The following AK9 variants were observed in gnomAD, a reference collection of about 807,000 sequenced individuals.
AK9 encodes the protein adenylate kinase 9, also known as adenylate kinase domain containing 1.
In AK9, 191 loss-of-function variants were observed where a neutral mutation model predicts 239.6. The observed-to-expected ratio is 0.80, with a 90% CI of 0.71 to 0.90. The LOEUF is 0.90. Ranked by LOEUF, AK9 falls within the 40% of genes least tolerant of loss-of-function variation. AK9 has a pLI of 0.00. For missense variants in AK9, 1,995 were observed against 2,214.7 expected (o/e 0.90, Z 1.99); for synonymous variants, 689 against 721.0 (o/e 0.96, Z 0.71).
At chr6:109,678,767 C>T (rs1447589716) in intron 1 of AK9, among the ~76,000 whole-genome samples, 1 of 152,084 alleles carries the variant, frequency 6.6e-6, no homozygotes, top group African/African-American at 2.4e-5. Flanking sequence ...CAGCTCATCT[C>T]ACTGGGACTG....
At position 109,644,494 on chromosome 6, in the gene AK9, G is replaced by T. The variant is rs758084910; in HGVS notation, c.834+120C>A. ...AAAATTTTAAGTGTTAAGACAGATT[G>T]TTCAAAGATAAATGGTGTTCAAATA... On this transcript the variant is annotated intron_variant, in intron 9 of 40. Coordinates refer to ENST00000424296, the MANE Select transcript of AK9 (RefSeq NM_001145128.3). 3.1e-5 allele frequency: 26 copies of T among 831,174 alleles called. No individual in the cohort carries two copies. The South Asian group carries it at 4.9e-4, about 16-fold the overall frequency. The allele number at this position is 831,174 out of a possible 1,614,324, so 51.5% of individuals were successfully genotyped here.
Position 109,612,029 on chromosome 6 carries a change from T to G in AK9, c.1674A>C (p.Val558=), listed in dbSNP as rs1339513314. The G allele has an allele frequency of 6.5e-7, 1 of 1,531,490 alleles. No individual in the cohort carries two copies. Among genetic ancestry groups the G allele is most frequent in the Non-Finnish European group, 8.8e-7 (1 of 1,136,126 alleles). The allele number at this position is 1,531,490 out of a possible 1,614,324, so 94.9% of individuals were successfully genotyped here. ...KRHSQDASQD[V]KLYSDTAPTE... is the part of the protein sequence containing the mutation. The stretch of plus-strand genomic sequence containing the variant: ...ATTTACCTGTATCTGAATACAACTT[T>G]ACATCTTGACTAGCATCTTGAGAAT... The change falls in exon 16 of 41, where the codon GTA becomes GTC. Residue 558 remains valine, a synonymous_variant. Coordinates refer to ENST00000424296, the MANE Select transcript of AK9 (RefSeq NM_001145128.3).
At chr6:109,549,866 G>A (rs1380139253) in intron 25 of AK9, 14 of 358,206 alleles carry the variant, frequency 3.9e-5, no homozygotes, top group South Asian at 7.1e-5. Context: ...GGGTTTCACC[G>A]TGTCAGCCAG....
chr6:109,656,860 C>T lies in AK9; in HGVS notation c.655G>A (p.Val219Met), dbSNP rs1225925259. Residue 219 changes from valine to methionine, a missense_variant, in exon 8 of 41, where the codon GTG (valine) becomes ATG (methionine). By Grantham distance (21) the Val-to-Met change is conservative (BLOSUM62 1). Transcript: ENST00000424296. ...ACTAGATGATGAAGAATTTCAGCCA[C>T]CATCTGCATTTCGGCAATAAATGCC... The part of the protein sequence containing the change: ...EEAFIAEMQM[V>M]AEILHHLVQR... 7.4e-6 allele frequency: 12 copies of T among 1,612,742 alleles called. No homozygotes were observed. The highest frequency in any genetic ancestry group is 9.3e-6 in the Non-Finnish European group (11 of 1,179,266).
chr6:109,494,206 G>A, intron 39 of AK9, 111 bp from the exon 40 acceptor site: 2 of 665,438 alleles, frequency 3.0e-6, no homozygotes, highest in South Asian at 2.1e-5. Context: ...TAGCCCCCTG[G>A]AGTGGGGATG....
At chr6:109,598,317 T>TG (rs1450334224) in intron 17 of AK9, among the ~76,000 whole-genome samples, 17 of 150,430 alleles carry the variant, frequency 1.1e-4, no homozygotes, top group Admixed American at 2.0e-4. Flanking sequence ...AGTGAGAACA[T>TG]GCGGTGTTTG....
intron 17 of AK9, among the ~76,000 whole-genome samples, chr6:109,603,763 C>T (rs748856328): frequency 3.9e-5 from 6 of 152,190 alleles, no homozygotes; most frequent in Non-Finnish European, 5.9e-5. Flanking sequence ...ACTCAAGCCT[C>T]AGCGATGGCA....
intron 29 of AK9, among the ~76,000 whole-genome samples, chr6:109,518,360 T>C (rs1369736261): frequency 6.6e-6 from 1 of 152,192 alleles, no homozygotes; most frequent in African/African-American, 2.4e-5. Context: ...TCTATCCTGA[T>C]ATTTAATTTT....
At chr6:109,582,478 G>T (rs957969090) in intron 19 of AK9, among the ~76,000 whole-genome samples, 4 of 152,234 alleles carry the variant, frequency 2.6e-5, no homozygotes, top group South Asian at 2.1e-4. Context: ...CTGTAATGAA[G>T]GAAGTAACTG....
At chr6:109,550,352 T>C in intron 24 of AK9, 50 bp from the exon 25 acceptor site, 1 of 1,507,548 alleles carries the variant, frequency 6.6e-7, no homozygotes. Context: ...AAAAGTATTT[T>C]GATGCAGATA....
At position 109,619,096 on chromosome 6, in the gene AK9, T is replaced by C. The variant is rs1794524479; in HGVS notation, c.1395A>G (p.Lys465=). 6.5e-7 allele frequency: 1 copy of C among 1,536,238 alleles called. No individual in the cohort carries two copies. Among genetic ancestry groups the C allele is most frequent in the Admixed American group, 2.1e-5 (1 of 46,664 alleles). ...EKLLRELQAR[K]QAETALREFQ... The stretch of plus-strand genomic sequence containing the variant: ...CATTTTAAAAAGATGTTTCACCTTG[T>C]TTTCTAGCTTGCAGTTCCCTGAGAA... Residue 465 remains lysine, a synonymous_variant, in exon 13 of 41, where the codon AAA becomes AAG. Coordinates refer to ENST00000424296, the MANE Select transcript of AK9 (RefSeq NM_001145128.3).
rs573420825 is a variant in AK9, at chr6:109,532,133, A to C, written c.3570+1118T>G. Reference sequence around the variant, plus strand: ...CATAATTTAAGTCTTAGTATCTCAGAATTGAAATTAATAGATGAGCTCTCT... The same window carrying C: ...CATAATTTAAGTCTTAGTATCTCAGCATTGAAATTAATAGATGAGCTCTCT... On this transcript the variant is annotated intron_variant, in intron 28 of 40. Coordinates refer to ENST00000424296, the MANE Select transcript of AK9 (RefSeq NM_001145128.3). 2.0e-5 allele frequency among the ~76,000 whole-genome samples: 3 copies of C among 152,278 alleles called. No individual in the cohort carries two copies. The South Asian group carries it at 6.2e-4, about 32-fold the overall frequency.
In AK9 at chr6:109,497,893, G is replaced by A; in HGVS notation, c.5119C>T (p.Pro1707Ser). Reference protein sequence around the residue: ...PHPLPSADMIPKRLTLSELKS... With the variant: ...PHPLPSADMISKRLTLSELKS... Reference sequence around the variant, plus strand: ...AGCTCTGACAGTGTCAGTCTTTTGGGGATCATGTCAGCAGATGGGAGTGGA... The same window carrying A: ...AGCTCTGACAGTGTCAGTCTTTTGGAGATCATGTCAGCAGATGGGAGTGGA... Residue 1707 changes from proline to serine, a missense_variant, in exon 37 of 41, where the codon CCC (proline) becomes TCC (serine). Physicochemically the swap from Pro to Ser is moderately conservative, Grantham distance 74. Transcript: ENST00000424296. 1 of 1,614,016 alleles carries A rather than the reference G, an allele frequency of 6.2e-7. No individual in the cohort carries two copies. The highest frequency in any genetic ancestry group is 8.5e-7 in the Non-Finnish European group (1 of 1,179,946).
At chr6:109,526,508 TGTCTACTG>T (rs902425173) in intron 29 of AK9, among the ~76,000 whole-genome samples, 1 of 152,104 alleles carries the variant, frequency 6.6e-6, no homozygotes, top group Non-Finnish European at 1.5e-5. Context: ...GTGTTACAAC[TGTCTACTG>T]GTAGGGGAAG....
At chr6:109,509,707 C>A (rs202142592) in intron 32 of AK9, among the ~76,000 whole-genome samples, 1 of 152,224 alleles carries the variant, frequency 6.6e-6, no homozygotes, top group African/African-American at 2.4e-5. Context: ...TAAGACCTGC[C>A]CTCTTGGGTG....
chr6:109,569,488 AG>A (rs1481154725), intron 21 of AK9, among the ~76,000 whole-genome samples: 1 of 152,244 alleles, frequency 6.6e-6, no homozygotes, highest in Non-Finnish European at 1.5e-5. Flanking sequence ...CAGAGTGAAC[AG>A]GCAACCTACA....
intron 22 of AK9, 134 bp downstream of exon 22, chr6:109,564,622 T>A (rs1786228619): frequency 3.2e-6 from 2 of 621,234 alleles, no homozygotes; most frequent in Admixed American, 3.7e-5. Flanking sequence ...GCCAAATATT[T>A]ATGTATGTCA....
chr6:109,579,120 T>C (rs1788495698), intron 20 of AK9, among the ~76,000 whole-genome samples: 5 of 152,204 alleles, frequency 3.3e-5, no homozygotes, highest in Non-Finnish European at 4.4e-5. Flanking sequence ...ATAATGAAGA[T>C]GGGAGTTTAA....
At chr6:109,637,167 A>G (rs1796825341) in intron 10 of AK9, among the ~76,000 whole-genome samples, 1 of 152,062 alleles carries the variant, frequency 6.6e-6, no homozygotes, top group Non-Finnish European at 1.5e-5. Flanking sequence ...GCATCTTTTC[A>G]TGTACTTACT....
Sources: allele counts gnomAD v4.1 joint callset (sites outside exome capture counted in the v4.1 genomes callset), GRCh38; gene constraint gnomAD v4.1.1; transcripts MANE v1.5; gene names NCBI Gene and HGNC (gene_info 2026-07-23, HGNC 2026-07-21).